Variants in SLC4A10 observed in about 807,000 individuals in gnomAD.
SLC4A10 encodes the protein sodium-driven chloride bicarbonate exchanger.
SLC4A10 carries 42 observed loss-of-function variants against 137.7 expected under a neutral mutation model. The ratio of observed to expected loss-of-function variants is 0.30; its 90% CI spans 0.24 to 0.39. The LOEUF is 0.39. Among genes scored for constraint, SLC4A10 ranks in the 10% least tolerant of loss-of-function variants. The pLI is 1.00. For synonymous variants in SLC4A10, 474 were observed against 464.1 expected, an observed-to-expected ratio of 1.02 and a Z score of -0.27; for missense variants, 925 against 1,355.0, an observed-to-expected ratio of 0.68 and a Z score of 4.98.
At chr2:161,856,343 C>T (rs187476009) in intron 5 of SLC4A10, among the ~76,000 whole-genome samples, 93 of 139,764 alleles carry the variant, frequency 6.7e-4, no homozygotes, top group African/African-American at 2.5e-3. Context: ...TAAGCAAAAA[C>T]TCCAAAAATA....
chr2:161,905,336 C>G (rs185118991), intron 14 of SLC4A10, among the ~76,000 whole-genome samples: 4 of 152,264 alleles, frequency 2.6e-5, no homozygotes, highest in African/African-American at 9.6e-5. Context: ...CTCACATGCA[C>G]AGTTCACAAT....
intron 1 of SLC4A10, among the ~76,000 whole-genome samples, chr2:161,648,314 C>T (rs2036338481): frequency 1.3e-5 from 2 of 152,086 alleles, no homozygotes; most frequent in African/African-American, 2.4e-5. Context: ...CTTACTCATT[C>T]ACTTACCCCT....
intron 1 of SLC4A10, among the ~76,000 whole-genome samples, chr2:161,738,901 G>A (rs964977123): frequency 6.6e-6 from 1 of 152,050 alleles, no homozygotes; most frequent in Admixed American, 6.6e-5. Context: ...AGAACTATTG[G>A]GCCATCTTCA....
intron 1 of SLC4A10, among the ~76,000 whole-genome samples, chr2:161,710,330 A>T (rs1156298031): frequency 6.6e-6 from 1 of 151,652 alleles, no homozygotes; most frequent in Non-Finnish European, 1.5e-5. Flanking sequence ...TTGCTTTGGG[A>T]TTCCTCTTGG....
intron 15 of SLC4A10, among the ~76,000 whole-genome samples, chr2:161,914,113 G>A (rs1686528062): frequency 6.6e-6 from 1 of 152,086 alleles, no homozygotes; most frequent in Non-Finnish European, 1.5e-5. Context: ...TTCTTACTAA[G>A]TATGTATAGA....
At chr2:161,691,949 C>T (rs936992837) in intron 1 of SLC4A10, among the ~76,000 whole-genome samples, 5 of 151,902 alleles carry the variant, frequency 3.3e-5, no homozygotes, top group African/African-American at 9.7e-5. Context: ...AGGTCATGTA[C>T]ATAAAAAGAA....
intron 1 of SLC4A10, among the ~76,000 whole-genome samples, chr2:161,711,695 T>C (rs1186176021): frequency 1.3e-5 from 2 of 151,730 alleles, no homozygotes; most frequent in African/African-American, 4.8e-5. Context: ...GATTTGCAAA[T>C]TCTTCTGGTT....
At chr2:161,957,327 G>T (rs1463104884) in intron 20 of SLC4A10, 87 bp downstream of exon 20, 6 of 1,439,168 alleles carry the variant, frequency 4.2e-6, no homozygotes, top group Non-Finnish European at 5.6e-6. Flanking sequence ...CCATAAATTT[G>T]CAAATATTGT....
At chr2:161,819,730 G>A (rs879786148) in intron 3 of SLC4A10, among the ~76,000 whole-genome samples, 5 of 152,128 alleles carry the variant, frequency 3.3e-5, no homozygotes, top group South Asian at 2.1e-4. Flanking sequence ...TCCTGACCTC[G>A]TGATCCACCC....
At chr2:161,728,387 C>T (rs1471171839) in intron 1 of SLC4A10, among the ~76,000 whole-genome samples, 2 of 152,040 alleles carry the variant, frequency 1.3e-5, no homozygotes, top group African/African-American at 2.4e-5. Flanking sequence ...CCAGCCTGAC[C>T]AACATGGTGA....
At chr2:161,773,983 C>T (rs1574898166) in intron 2 of SLC4A10, among the ~76,000 whole-genome samples, 1 of 151,894 alleles carries the variant, frequency 6.6e-6, no homozygotes, top group African/African-American at 2.4e-5. Flanking sequence ...ATTCCCACTG[C>T]CACTGCTCTA....
intron 1 of SLC4A10, among the ~76,000 whole-genome samples, chr2:161,641,194 T>G (rs1357730025): frequency 6.6e-6 from 1 of 152,188 alleles, no homozygotes; most frequent in African/African-American, 2.4e-5. Flanking sequence ...TATTACAATA[T>G]GATAGGCTAG....
intron 15 of SLC4A10, among the ~76,000 whole-genome samples, chr2:161,931,747 C>T (rs61358430): frequency 0.067 from 10,240 of 151,990 alleles, 452 homozygotes; most frequent in East Asian, 0.13. Flanking sequence ...CTTAGAAGAG[C>T]GACAGGGATT....
At position 161,683,415 on chromosome 2, in the gene SLC4A10, A is replaced by G. The variant is rs1377669551; in HGVS notation, c.48+58849A>G. On this transcript the variant is annotated intron_variant, in intron 1 of 26. Transcript: ENST00000446997. ...TAAGTTGCAGAGAGGGTATTTAGGGAACAGTGAGAGAGCCAGCCAAAGGGA... is the reference window on the plus strand; with the variant it reads ...TAAGTTGCAGAGAGGGTATTTAGGGGACAGTGAGAGAGCCAGCCAAAGGGA... Among the ~76,000 whole-genome samples, 4 of 152,188 alleles carry G rather than the reference A, an allele frequency of 2.6e-5. No homozygotes were observed. The East Asian group carries it at 7.7e-4, about 29-fold the overall frequency.
At chr2:161,873,653 T>A (rs946720642) in intron 7 of SLC4A10, 19 of 264,890 alleles carry the variant, frequency 7.2e-5, no homozygotes, top group Non-Finnish European at 5.8e-5. Flanking sequence ...TAACTCAGAG[T>A]AATATTTTAA....
intron 15 of SLC4A10, among the ~76,000 whole-genome samples, chr2:161,927,403 G>C (rs1689366781): frequency 6.6e-6 from 1 of 152,112 alleles, no homozygotes; most frequent in Non-Finnish European, 1.5e-5. Context: ...TTGGCTTTCA[G>C]CTCCATCAGC....
intron 19 of SLC4A10, among the ~76,000 whole-genome samples, chr2:161,953,508 T>A (rs1695147072): frequency 6.6e-6 from 1 of 151,846 alleles, no homozygotes; most frequent in Admixed American, 6.6e-5. Flanking sequence ...CTCAGGAGGC[T>A]GAGGCAGGAG....
intron 21 of SLC4A10, among the ~76,000 whole-genome samples, chr2:161,960,788 G>A (rs1483489378): frequency 6.6e-6 from 1 of 151,994 alleles, no homozygotes; most frequent in East Asian, 1.9e-4. Context: ...AGGGTGCTAG[G>A]AGCCACCTGG....
chr2:161,831,499 C>A (rs1284090302), intron 3 of SLC4A10, among the ~76,000 whole-genome samples: 1 of 151,906 alleles, frequency 6.6e-6, no homozygotes, highest in African/African-American at 2.4e-5. Flanking sequence ...CACAAATATG[C>A]TACATAATTT....
Sources: gnomAD v4.1 joint callset for allele counts (sites outside exome capture counted in the v4.1 genomes callset) on GRCh38, gnomAD v4.1.1 for gene constraint, MANE v1.5 for transcripts, NCBI Gene and HGNC (gene_info 2026-07-23, HGNC 2026-07-21) for gene names.